MAPK10: variants seen among roughly 807,000 people sequenced by gnomAD.
The protein encoded by MAPK10 is JNK3 alpha protein kinase.
A neutral mutation model predicts 59.3 loss-of-function variants in MAPK10; 25 were observed. The observed-to-expected ratio is 0.42, with a 90% CI of 0.31 to 0.59. The LOEUF is 0.59. Among genes scored for constraint, MAPK10 ranks in the 20% least tolerant of loss-of-function variants. The pLI, the probability that MAPK10 is intolerant of heterozygous loss-of-function variation, is 0.15. For missense variants in MAPK10, 351 were observed against 568.9 expected, an observed-to-expected ratio of 0.62 and a Z score of 3.90; for synonymous variants, 190 against 200.5, an observed-to-expected ratio of 0.95 and a Z score of 0.44.
rs1741460492 is a variant in MAPK10, at chr4:86,011,831, T to C, written c.*5397A>G. ...ATCTTCCAGGCTTTCTAATAGTTAA[T>C]TGGTTAAATAAAACATTATTTACAG... On this transcript the variant is annotated 3_prime_UTR_variant, in exon 14 of 14. Transcript: ENST00000641462. 6.6e-6 allele frequency: 1 copy of C among 152,198 alleles called. No individual in the cohort carries two copies. The highest frequency in any genetic ancestry group is 2.4e-5 in the African/African-American group (1 of 41,458). The allele number at this position is 152,198 out of a possible 1,614,324, so 9.4% of individuals were successfully genotyped here.
chr4:86,314,868 C>A (rs1178711310), intron 2 of MAPK10, among the ~76,000 whole-genome samples: 1 of 152,020 alleles, frequency 6.6e-6, no homozygotes, highest in Non-Finnish European at 1.5e-5. Context: ...CTATTTCTTT[C>A]CTCTTAAAAT....
intron 2 of MAPK10, among the ~76,000 whole-genome samples, chr4:86,247,843 A>G (rs148955307): frequency 2.9e-4 from 44 of 152,332 alleles, no homozygotes; most frequent in African/African-American, 1.1e-3. Context: ...GCATCGAACT[A>G]TGGAAGTGTT....
In MAPK10 at chr4:86,107,368, A is replaced by C. The variant is rs759278768; in HGVS notation, c.237-16T>G. The C allele has an allele frequency of 6.2e-7, 1 of 1,600,494 alleles. No homozygotes were observed. The highest frequency in any genetic ancestry group is 1.8e-5 in the Admixed American group (1 of 56,140). On this transcript the variant is annotated splice_polypyrimidine_tract_variant and intron_variant, in intron 4 of 13. Coordinates refer to ENST00000641462, the MANE Select transcript of MAPK10 (RefSeq NM_138982.4). ...ATACGCGGCACTGTAGAGATCCAAG[A>C]GCAACTCAGAATTAAGAACAAAAGA... is the stretch of plus-strand genomic sequence containing the variant.
intron 9 of MAPK10, among the ~76,000 whole-genome samples, chr4:86,088,274 G>A (rs752555377): frequency 6.6e-6 from 1 of 152,106 alleles, no homozygotes; most frequent in Non-Finnish European, 1.5e-5. Flanking sequence ...TTTGACACTG[G>A]GGGCTCAAGC....
At chr4:86,243,533 T>G (rs2092882758) in intron 2 of MAPK10, among the ~76,000 whole-genome samples, 1 of 152,106 alleles carries the variant, frequency 6.6e-6, no homozygotes, top group South Asian at 2.1e-4. Flanking sequence ...CCTCACTCAT[T>G]ACACTCTAGC....
intron 4 of MAPK10, among the ~76,000 whole-genome samples, chr4:86,151,335 T>C (rs1428605405): frequency 1.3e-5 from 2 of 152,116 alleles, no homozygotes; most frequent in East Asian, 1.9e-4. Context: ...TGTAAAAGGA[T>C]TGTAACAGCC....
At chr4:86,339,019 A>G (rs1012668789) in intron 2 of MAPK10, among the ~76,000 whole-genome samples, 7 of 152,164 alleles carry the variant, frequency 4.6e-5, no homozygotes, top group Non-Finnish European at 8.8e-5. Flanking sequence ...TGCCCATATA[A>G]GCAGATTGAG....
chr4:86,518,659 GGGTTT>G (rs1166199359), intron 1 of MAPK10, among the ~76,000 whole-genome samples: 2 of 148,602 alleles, frequency 1.3e-5, no homozygotes, highest in African/African-American at 2.5e-5. Flanking sequence ...TGCTGGGCTT[GGGTTT>G]GGTTTGTTCT....
intron 2 of MAPK10, among the ~76,000 whole-genome samples, chr4:86,299,162 G>A (rs939267614): frequency 6.6e-6 from 1 of 152,098 alleles, no homozygotes; most frequent in Non-Finnish European, 1.5e-5. Context: ...AGTAAAAAAA[G>A]CCTTGTTTTG....
At chr4:86,380,610 C>A (rs1248808477) in intron 1 of MAPK10, among the ~76,000 whole-genome samples, 1 of 152,120 alleles carries the variant, frequency 6.6e-6, no homozygotes, top group Admixed American at 6.6e-5. Flanking sequence ...TAAATAAAAA[C>A]CTTTTTTCTT....
chr4:86,295,059 T>C (rs933030347), intron 2 of MAPK10, among the ~76,000 whole-genome samples: 33 of 152,208 alleles, frequency 2.2e-4, no homozygotes, highest in African/African-American at 7.5e-4. Context: ...CATCAAAGCC[T>C]GCTCTGCACC....
intron 1 of MAPK10, among the ~76,000 whole-genome samples, chr4:86,527,245 G>A (rs781621315): frequency 6.2e-5 from 9 of 145,120 alleles, no homozygotes; most frequent in Non-Finnish European, 1.2e-4. Flanking sequence ...CTGGGAGGTC[G>A]AGGCCGCAGG....
intron 1 of MAPK10, among the ~76,000 whole-genome samples, chr4:86,375,333 T>C (rs965755199): frequency 2.0e-5 from 3 of 152,168 alleles, no homozygotes; most frequent in Non-Finnish European, 2.9e-5. Context: ...GGTTACTCAC[T>C]ACCACAAGTA....
intron 1 of MAPK10, among the ~76,000 whole-genome samples, chr4:86,561,421 C>T (rs1186514725): frequency 2.0e-5 from 3 of 152,174 alleles, no homozygotes; most frequent in Non-Finnish European, 2.9e-5. Flanking sequence ...CATGTGTTTT[C>T]GACATTATTT....
intron 2 of MAPK10, among the ~76,000 whole-genome samples, chr4:86,314,299 T>C (rs1197221862): frequency 6.6e-6 from 1 of 152,164 alleles, no homozygotes; most frequent in Non-Finnish European, 1.5e-5. Flanking sequence ...CCAAATCTCA[T>C]CTTGAATTAT....
At chr4:86,297,527 G>A (rs2095389392) in intron 2 of MAPK10, among the ~76,000 whole-genome samples, 1 of 152,088 alleles carries the variant, frequency 6.6e-6, no homozygotes, top group Non-Finnish European at 1.5e-5. Flanking sequence ...TGGCCAGGCT[G>A]GTCTCGAACT....
chr4:86,456,378 T>C (rs1751228870), upstream of MAPK10, among the ~76,000 whole-genome samples: 1 of 151,962 alleles, frequency 6.6e-6, no homozygotes, highest in Non-Finnish European at 1.5e-5. Flanking sequence ...CCTGGTTATT[T>C]GAAAAGGTAA....
chr4:86,292,469 C>A (rs1400586896), intron 2 of MAPK10, among the ~76,000 whole-genome samples: 1 of 152,158 alleles, frequency 6.6e-6, no homozygotes, highest in Non-Finnish European at 1.5e-5. Flanking sequence ...TTAATCCCAA[C>A]ATTTTGGGAG....
intron 3 of MAPK10, among the ~76,000 whole-genome samples, chr4:86,176,257 G>A (rs10213453): frequency 0.16 from 24,024 of 152,008 alleles, 2,067 homozygotes; most frequent in African/African-American, 0.23. Context: ...AGAAAAGAAT[G>A]GAATCCAAAA....
Sources: gnomAD v4.1 joint callset for allele counts (sites outside exome capture counted in the v4.1 genomes callset) on GRCh38, gnomAD v4.1.1 for gene constraint, MANE v1.5 for transcripts, NCBI Gene and HGNC (gene_info 2026-07-23, HGNC 2026-07-21) for gene names.